Variants in APBB2 observed in about 807,000 individuals in gnomAD.
The protein encoded by APBB2 is amyloid beta precursor protein binding family B member 2.
Under a neutral mutation model 82.5 loss-of-function variants are expected in APBB2, and 38 were observed. The ratio of observed to expected loss-of-function variants is 0.46; its 90% CI spans 0.36 to 0.60. The LOEUF (loss-of-function observed/expected upper bound fraction) is 0.60. Ranked by LOEUF, APBB2 falls within the 20% of genes least tolerant of loss-of-function variation. The pLI is 0.00. For synonymous variants in APBB2, 341 were observed against 368.2 expected, an observed-to-expected ratio of 0.93 and a Z score of 0.85; for missense variants, 772 against 972.3, an observed-to-expected ratio of 0.79 and a Z score of 2.74.
intron 1 of APBB2, among the ~76,000 whole-genome samples, chr4:41,200,243 T>C (rs1161462343): frequency 6.6e-6 from 1 of 152,226 alleles, no homozygotes; most frequent in African/African-American, 2.4e-5. Context: ...ATGACATTTC[T>C]GAAAATCAAA....
intron 2 of APBB2, among the ~76,000 whole-genome samples, chr4:41,128,031 G>A (rs1226407940): frequency 1.3e-5 from 2 of 151,916 alleles, no homozygotes; most frequent in Admixed American, 1.3e-4. Context: ...AGTATGCCAA[G>A]ATTGCACCAC....
intron 1 of APBB2, among the ~76,000 whole-genome samples, chr4:41,166,159 C>T (rs1014461007): frequency 1.3e-5 from 2 of 152,078 alleles, no homozygotes; most frequent in East Asian, 1.9e-4. Context: ...CAGGGTCAGG[C>T]CCCCTTTTAA....
intron 6 of APBB2, among the ~76,000 whole-genome samples, chr4:40,978,367 G>A (rs934666898): frequency 1.3e-5 from 2 of 152,206 alleles, no homozygotes; most frequent in Non-Finnish European, 1.5e-5. Context: ...TTTGTATTTG[G>A]TAACAGTCAC....
In APBB2 at chr4:40,824,559, C is replaced by T. The variant is rs148100712; in HGVS notation, c.1817-800G>A. Among the ~76,000 whole-genome samples, 558 of 152,292 alleles carry T rather than the reference C, an allele frequency of 3.7e-3. 4 individuals are homozygous for T. Among genetic ancestry groups the T allele is most frequent in the African/African-American group, 0.013 (524 of 41,538 alleles). On this transcript the variant is annotated intron_variant, in intron 15 of 17. Transcript: ENST00000508593. ...CTGGAGTGCAGTGGTACAATCACGG[C>T]TCACTGTAGCCTCAGCCTCCCAGGC... is the stretch of plus-strand genomic sequence containing the variant.
At chr4:40,837,091 T>C (rs1560653399) in intron 12 of APBB2, among the ~76,000 whole-genome samples, 1 of 152,208 alleles carries the variant, frequency 6.6e-6, no homozygotes, top group East Asian at 1.9e-4. Flanking sequence ...AATTGCTTTG[T>C]AGTAAACACA....
intron 3 of APBB2, among the ~76,000 whole-genome samples, chr4:41,083,542 G>A (rs1038476804): frequency 1.3e-5 from 2 of 151,764 alleles, no homozygotes; most frequent in Non-Finnish European, 2.9e-5. Flanking sequence ...ACAAAAATTA[G>A]CCGGGCACGG....
intron 6 of APBB2, among the ~76,000 whole-genome samples, chr4:40,982,210 AAGAAAAGAAAG>A: frequency 2.5e-5 from 1 of 39,314 alleles, no homozygotes; most frequent in Non-Finnish European, 5.3e-5. Context: ...AAAGAAAAGA[AAGAAAAGAAAG>A]GAAAGAAAGA....
chr4:40,896,955 GATAATACTCTTCAA>G (rs1168704780), intron 10 of APBB2, among the ~76,000 whole-genome samples: 2 of 152,176 alleles, frequency 1.3e-5, no homozygotes. Flanking sequence ...GTTACTGTGA[GATAATACTCTTCAA>G]ACCAGAAGTC....
chr4:40,934,896 C>T, intron 8 of APBB2, 181 bp downstream of exon 8: 1 of 675,814 alleles, frequency 1.5e-6, no homozygotes, highest in Non-Finnish European at 2.5e-6. Context: ...GAACCTAGGG[C>T]ATTCACAATG....
At chr4:40,893,886 A>G (rs1578242225) in intron 10 of APBB2, among the ~76,000 whole-genome samples, 1 of 152,092 alleles carries the variant, frequency 6.6e-6, no homozygotes, top group African/African-American at 2.4e-5. Flanking sequence ...AGCCAGGACA[A>G]TCGCTTGAAC....
At chr4:40,841,137 G>C (rs1378548001) in intron 12 of APBB2, among the ~76,000 whole-genome samples, 1 of 152,172 alleles carries the variant, frequency 6.6e-6, no homozygotes, top group Non-Finnish European at 1.5e-5. Flanking sequence ...ACTGGACTAT[G>C]ACAGCAGCAC....
intron 2 of APBB2, among the ~76,000 whole-genome samples, chr4:41,112,075 G>A (rs962449967): frequency 6.6e-6 from 1 of 152,176 alleles, no homozygotes; most frequent in Non-Finnish European, 1.5e-5. Flanking sequence ...TCCACAGCAA[G>A]GTGAAATGAA....
chr4:40,955,585 C>T (rs1039122534), intron 6 of APBB2, among the ~76,000 whole-genome samples: 2 of 152,160 alleles, frequency 1.3e-5, no homozygotes, highest in South Asian at 2.1e-4. Flanking sequence ...CGGAGCTTAA[C>T]GCTTCAATCC....
intron 1 of APBB2, among the ~76,000 whole-genome samples, chr4:41,197,517 G>C: frequency 6.6e-6 from 1 of 152,188 alleles, no homozygotes; most frequent in Admixed American, 6.5e-5. Context: ...GAGAGGTCAA[G>C]AAAGTGACTC....
rs776253380 is a variant in APBB2 at position 40,827,207 on chromosome 4, G to A, written c.1657C>T (p.Arg553Trp). The change falls in exon 14 of 18, where the codon CGG becomes TGG. Residue 553 changes from arginine (R) to tryptophan (W), a missense_variant. Physicochemically the swap from Arg to Trp is moderately radical, Grantham distance 101. Transcript: ENST00000508593. ...HEICSKIMAERKNAKALACSS... is the reference protein window; with the variant it reads ...HEICSKIMAEWKNAKALACSS... The stretch of plus-strand genomic sequence containing the variant: ...CAGGCCAGCGCTTTGGCATTCTTCC[G>A]TTCAGCCATAATCTAAGGGGGAAAA... The A allele has an allele frequency of 5.6e-6, 9 of 1,614,006 alleles. No homozygotes were observed. The highest frequency in any genetic ancestry group is 1.7e-5 in the Admixed American group (1 of 60,000).
intron 4 of APBB2, among the ~76,000 whole-genome samples, chr4:41,046,286 T>C (rs1438921395): frequency 6.6e-6 from 1 of 152,234 alleles, no homozygotes; most frequent in East Asian, 1.9e-4. Context: ...ATAGGACTTC[T>C]TGTAGTGAGA....
rs1286646941 is a variant in APBB2 at position 41,152,916 on chromosome 4, G to A, written c.-416-9774C>T. 3.3e-5 allele frequency among the ~76,000 whole-genome samples: 5 copies of A among 152,312 alleles called. No individual in the cohort carries two copies. In the South Asian group the frequency reaches 6.2e-4, roughly 19 times the overall value. On this transcript the variant is annotated intron_variant, in intron 1 of 17. Transcript: ENST00000508593. Reference sequence around the variant, plus strand: ...GTCTCTAACCACAATGGTGATATTAGAGGTGGAGTATTCCTTATCCACAAT... The same window carrying A: ...GTCTCTAACCACAATGGTGATATTAAAGGTGGAGTATTCCTTATCCACAAT...
At chr4:40,982,384 AAGG>A (rs1460272386) in intron 6 of APBB2, among the ~76,000 whole-genome samples, 1,159 of 12,714 alleles carry the variant, frequency 0.091, 115 homozygotes, top group African/African-American at 0.11. Context: ...GGAAGGAAGG[AAGG>A]AAGGAAAGGA....
chr4:40,973,373 C>T (rs1796409617), intron 6 of APBB2, among the ~76,000 whole-genome samples: 1 of 152,212 alleles, frequency 6.6e-6, no homozygotes, highest in Admixed American at 6.5e-5. Context: ...AGAACTTTCT[C>T]TTGACTTAGC....
Sources: gnomAD v4.1 joint callset for allele counts (sites outside exome capture counted in the v4.1 genomes callset) on GRCh38, gnomAD v4.1.1 for gene constraint, MANE v1.5 for transcripts, NCBI Gene and HGNC (gene_info 2026-07-23, HGNC 2026-07-21) for gene names.